BCOR: variants seen among roughly 807,000 people sequenced by gnomAD.
The protein encoded by BCOR is BCL6 corepressor.
Under a neutral mutation model 86.7 loss-of-function variants are expected in BCOR, and 10 were observed. The ratio of observed to expected loss-of-function variants is 0.12; its 90% CI spans 0.07 to 0.20. BCOR has a LOEUF of 0.20. BCOR is among the 10% of genes least tolerant of loss of function. The probability of loss-of-function intolerance (pLI) is 1.00; values close to 1 mark genes in which losing one functional copy is unlikely to be tolerated. For synonymous variants in BCOR, 611 were observed against 609.0 expected, an observed-to-expected ratio of 1.00 and a Z score of -0.05; for missense variants, 1,259 against 1,452.1, an observed-to-expected ratio of 0.87 and a Z score of 2.16.
upstream of BCOR, among the ~76,000 whole-genome samples, chrX:40,100,663 C>T (rs1385630431): frequency 9.6e-6 from 1 of 104,387 alleles, no homozygotes; most frequent in Non-Finnish European, 2.0e-5. Context: ...CGCGCCGTTG[C>T]ACTCCAGCCT....
chrX:40,111,385 C>G (rs1033638178), intron 1 of BCOR, among the ~76,000 whole-genome samples: 1 of 111,954 alleles, frequency 8.9e-6, no homozygotes, highest in Non-Finnish European at 1.9e-5. Flanking sequence ...GTGTCTCCAT[C>G]CATGTGGAAT....
At chrX:40,094,143 G>A (rs1267268607) in intron 1 of BCOR, among the ~76,000 whole-genome samples, 1 of 111,323 alleles carries the variant, frequency 9.0e-6, no homozygotes, top group African/African-American at 3.3e-5. Context: ...GCCTTTAAAG[G>A]GTTAAGAGAA....
chrX:40,111,679 G>A (rs939934862), intron 1 of BCOR, among the ~76,000 whole-genome samples: 1 of 112,196 alleles, frequency 8.9e-6, no homozygotes, highest in African/African-American at 3.2e-5. Flanking sequence ...TACAGTTTGT[G>A]TAAAAACAAA....
intron 1 of BCOR, among the ~76,000 whole-genome samples, chrX:40,108,111 G>C (rs1937228662): frequency 8.9e-6 from 1 of 112,930 alleles, no homozygotes; most frequent in African/African-American, 3.2e-5. Context: ...AGCAGGTTGA[G>C]GGCCAGGCGG....
At chrX:40,173,334 C>G (rs1413702052) in intron 1 of BCOR, among the ~76,000 whole-genome samples, 1 of 112,064 alleles carries the variant, frequency 8.9e-6, no homozygotes, top group African/African-American at 3.2e-5. Flanking sequence ...TTATCTACCT[C>G]GTAGGGTTGT....
At position 40,072,521 on chromosome X, in the gene BCOR, T is replaced by C; in HGVS notation, c.2825A>G (p.Asp942Gly). 4 of 1,212,102 alleles carry C rather than the reference T, an allele frequency of 3.3e-6. No individual in the cohort carries two copies. The highest frequency in any genetic ancestry group is 4.5e-6 in the Non-Finnish European group (4 of 895,560). The stretch of plus-strand genomic sequence containing the variant: ...ATTTGATTCAGCCTCATCAGCTCCA[T>C]CTTTGGTATAGGTGGGGGTCACATC... The part of the protein sequence containing the change: ...SVDVTPTYTK[D>G]GADEAESNDG... The change falls in exon 4 of 15, where the codon GAT (aspartate) becomes GGT (glycine). Residue 942 changes from aspartate to glycine, a missense_variant. Physicochemically the swap from Asp to Gly is moderately conservative, Grantham distance 94. Around this residue, in one of 7 missense-constraint regions of BCOR, gnomAD observed 534 missense variants for 594.8 expected, o/e 0.90. Coordinates refer to ENST00000378444, the MANE Select transcript of BCOR (RefSeq NM_001123385.2).
intron 1 of BCOR, among the ~76,000 whole-genome samples, chrX:40,152,288 C>T (rs2147989729): frequency 8.9e-6 from 1 of 111,790 alleles, no homozygotes; most frequent in African/African-American, 3.2e-5. Flanking sequence ...CTTCACCCCT[C>T]CCCACCCCGT....
rs371205644 is a variant in BCOR, at chrX:40,063,047, G to A, written c.3872C>T (p.Pro1291Leu). The A allele has an allele frequency of 1.6e-5, 19 of 1,163,892 alleles. No homozygotes were observed. In the African/African-American group the frequency reaches 1.8e-4, roughly 11 times the overall value. ...EQGLPVFSGS[P>L]PMKSLSSTSA... is the part of the protein sequence containing the mutation. ...GGTGGATGAAAGACTCTTCATGGGCGGAGAGCCGGAGAACACAGGCAAGCC... is the reference window on the plus strand; with the variant it reads ...GGTGGATGAAAGACTCTTCATGGGCAGAGAGCCGGAGAACACAGGCAAGCC... Residue 1291 changes from proline (P) to leucine (L), a missense_variant, in exon 9 of 15, where the codon CCG becomes CTG. By Grantham distance (98) the Pro-to-Leu change is moderately conservative (BLOSUM62 -3). Transcript: ENST00000378444.
At chrX:40,133,810 A>G (rs1266533737) in intron 1 of BCOR, among the ~76,000 whole-genome samples, 1 of 111,268 alleles carries the variant, frequency 9.0e-6, no homozygotes, top group Non-Finnish European at 1.9e-5. Flanking sequence ...TTCTACTCCC[A>G]CACCACTAAG....
chrX:40,141,163 T>C (rs1284170936), intron 1 of BCOR, among the ~76,000 whole-genome samples: 1 of 111,150 alleles, frequency 9.0e-6, no homozygotes, highest in Non-Finnish European at 1.9e-5. Context: ...TGTGCCCAGG[T>C]TTTTGGGGGG....
chrX:40,139,470 T>TA (rs1405872767), intron 1 of BCOR, among the ~76,000 whole-genome samples: 1 of 8,268 alleles, frequency 1.2e-4, no homozygotes, highest in Non-Finnish European at 1.6e-4. Context: ...TATATATATA[T>TA]ATATATATAT....
Position 40,103,054 on chromosome X carries a change from A to T in BCOR, c.-40-25085T>A, listed in dbSNP as rs1013343407. Among the ~76,000 whole-genome samples, 106 of 107,163 alleles carry T rather than the reference A, an allele frequency of 9.9e-4. 4 individuals are homozygous for T. The highest frequency in any genetic ancestry group is 8.9e-4 in the East Asian group (3 of 3,385). The allele number at this position is 107,163 out of a possible 115,157, so 93.1% of individuals were successfully genotyped here. ...TCCTCCTCTCCATACCTGCGTTCCC[A>T]GCGCGTTAGCAGCCGCGCAGCCCCC... On this transcript the variant is annotated intron_variant, in intron 1 of 14. Coordinates refer to the BCOR transcript ENST00000342274.
At chrX:40,160,080 C>T (rs980589519) in intron 1 of BCOR, among the ~76,000 whole-genome samples, 2 of 111,945 alleles carry the variant, frequency 1.8e-5, no homozygotes, top group Admixed American at 9.4e-5. Flanking sequence ...TCTGAAATCC[C>T]CCTCCACCAT....
chrX:40,062,350 T>A lies in BCOR; in HGVS notation c.4217A>T (p.Asp1406Val), dbSNP rs1447074491. 8.3e-7 allele frequency: 1 copy of A among 1,206,877 alleles called. No individual in the cohort carries two copies. Among genetic ancestry groups the A allele is most frequent in the Non-Finnish European group, 1.1e-6 (1 of 893,381 alleles). The change falls in exon 10 of 15, where the codon GAC becomes GTC. Residue 1406 changes from aspartate to valine, a missense_variant. Physicochemically the swap from Asp to Val is radical, Grantham distance 152 (BLOSUM62 -3). Around this residue, in one of 7 missense-constraint regions of BCOR, gnomAD observed 305 missense variants for 286.1 expected, o/e 1.07. Transcript: ENST00000378444. ...RFRKRPEPSS[D>V]YDLSPAKQEP... is the part of the protein sequence containing the mutation. ...CTGCTTGGCTGGTGACAGATCATAG[T>A]CCGAACTGGGCTCCGGCCGCTTTCT...
chrX:40,173,183 A>G (rs766109462), intron 1 of BCOR, among the ~76,000 whole-genome samples: 2 of 111,682 alleles, frequency 1.8e-5, no homozygotes. Flanking sequence ...ACACAGCCCT[A>G]TTTCTCTCTC....
chrX:40,066,784 T>C (rs1334845099), intron 6 of BCOR, among the ~76,000 whole-genome samples: 1 of 110,720 alleles, frequency 9.0e-6, no homozygotes, highest in Admixed American at 9.6e-5. Context: ...GAGAGAGGGT[T>C]TGAGCCAAGT....
rs1168739083 is a variant in BCOR at position 40,171,979 on chromosome X, CGCCCAGCCCCCAGGCCA to C, written c.-41+5011_-41+5027del. ...TCAACGCCGGCAAGTGCAGCCGGGCCGCCCAGCCCCCAGGCCAGCCTGGCCCCCTCTGGGCCTGGGGT... is the reference window on the plus strand; with the variant it reads ...TCAACGCCGGCAAGTGCAGCCGGGCCGCCTGGCCCCCTCTGGGCCTGGGGT... On this transcript the variant is annotated intron_variant, in intron 1 of 14. Transcript: ENST00000342274. Among the ~76,000 whole-genome samples the C allele has an allele frequency of 1.2e-4, 14 of 112,881 alleles. No homozygotes were observed. In the East Asian group the frequency reaches 4.0e-3, roughly 32 times the overall value.
chrX:40,131,332 A>T (rs1243932615), intron 1 of BCOR, among the ~76,000 whole-genome samples: 22 of 112,410 alleles, frequency 2.0e-4, no homozygotes, highest in African/African-American at 6.8e-4. Context: ...CCCTGCATTT[A>T]CTATCCAAAA....
chrX:40,144,020 T>C (rs765707000), intron 1 of BCOR, among the ~76,000 whole-genome samples: 3 of 111,907 alleles, frequency 2.7e-5, no homozygotes, highest in East Asian at 2.8e-4. Flanking sequence ...TCCTTACCAA[T>C]AGGAAGGCTC....
Sources: allele counts gnomAD v4.1 joint callset (sites outside exome capture counted in the v4.1 genomes callset), GRCh38; gene constraint gnomAD v4.1.1; regional missense constraint gnomAD v4.1.1; transcripts MANE v1.5; gene names NCBI Gene and HGNC (gene_info 2026-07-23, HGNC 2026-07-21).